OSBPL8: variants seen among roughly 807,000 people sequenced by gnomAD.
The protein encoded by OSBPL8 is oxysterol-binding protein-related protein 8.
In OSBPL8, 59 loss-of-function variants were observed where a neutral mutation model predicts 125.5. That is an observed-to-expected ratio of 0.47 (90% confidence interval 0.38 to 0.58). The LOEUF (loss-of-function observed/expected upper bound fraction) is 0.58, where lower values mean the gene tolerates loss of function less well. Ranked by LOEUF, OSBPL8 falls within the 20% of genes least tolerant of loss-of-function variation. The pLI, the probability that OSBPL8 is intolerant of heterozygous loss-of-function variation, is 0.00. For synonymous variants in OSBPL8, 330 were observed against 338.9 expected (o/e 0.97, Z 0.29); for missense variants, 758 against 1,047.8 (o/e 0.72, Z 3.82).
chr12:76,441,873 T>G (rs568667749), intron 4 of OSBPL8, among the ~76,000 whole-genome samples: 1 of 152,118 alleles, frequency 6.6e-6, no homozygotes, highest in Admixed American at 6.5e-5. Context: ...TAGTATTTGA[T>G]AGCATAACAG....
At chr12:76,546,454 T>C (rs80298325) in intron 1 of OSBPL8, among the ~76,000 whole-genome samples, 10,673 of 152,192 alleles carry the variant, frequency 0.07, 504 homozygotes, top group Middle Eastern at 0.15. Flanking sequence ...TAATCAAATA[T>C]TATAAAACAT....
rs142104497 is a variant in OSBPL8 at position 76,508,128 on chromosome 12, G to A, written c.-67-20510C>T. Among the ~76,000 whole-genome samples, 28 of 150,838 alleles carry A rather than the reference G, an allele frequency of 1.9e-4. 1 individual carries two copies. The East Asian group carries it at 3.9e-3, about 21-fold the overall frequency. ...GGAGGTTGCAGTGAGCCGAGATTGC[G>A]CCATCGCACTCCAGCCTGGGCAACA... is the stretch of plus-strand genomic sequence containing the variant. On this transcript the variant is annotated intron_variant, in intron 1 of 23. Transcript: ENST00000261183.
At position 76,452,547 on chromosome 12, in the gene OSBPL8, C is replaced by T. The variant is rs74678774; in HGVS notation, c.80-1559G>A. Reference sequence around the variant, plus strand: ...CAGTTCATGCCATCACTACTCCCCTCCCACTACTTTCTCAGGCCAAAACCT... The same window carrying T: ...CAGTTCATGCCATCACTACTCCCCTTCCACTACTTTCTCAGGCCAAAACCT... On this transcript the variant is annotated intron_variant, in intron 3 of 23. Transcript: ENST00000261183. 5.6e-3 allele frequency among the ~76,000 whole-genome samples: 857 copies of T among 152,306 alleles called. 15 individuals carry two copies. Among genetic ancestry groups the T allele is most frequent in the African/African-American group, 0.02 (831 of 41,554 alleles).
chr12:76,476,517 T>C (rs1344005162), intron 2 of OSBPL8, among the ~76,000 whole-genome samples: 2 of 151,998 alleles, frequency 1.3e-5, no homozygotes, highest in African/African-American at 4.8e-5. Context: ...ATAGTAGACT[T>C]GAAAAGCAAA....
chr12:76,454,505 A>C (rs1873778343), intron 3 of OSBPL8, among the ~76,000 whole-genome samples: 2 of 151,990 alleles, frequency 1.3e-5, no homozygotes, highest in Admixed American at 6.6e-5. Context: ...CCTAGACAAC[A>C]TAGCAAGACC....
Position 76,355,784 on chromosome 12 carries a change from T to A in OSBPL8, c.*105A>T. On this transcript the variant is annotated 3_prime_UTR_variant, in exon 24 of 24. Transcript: ENST00000261183. ...TCTACATTTATCTCCTAGGTTTTTT[T>A]GTTTTCGGAATATTGTGATTTTTAA... 2 of 1,290,424 alleles carry A rather than the reference T, an allele frequency of 1.5e-6. No individual in the cohort carries two copies. Among genetic ancestry groups the A allele is most frequent in the Non-Finnish European group, 2.1e-6 (2 of 947,022 alleles). 79.9% of individuals were successfully genotyped at this position (1,290,424 alleles called of 1,614,324 possible). A position where few individuals can be genotyped will look rare whatever the true frequency, so the allele number is the denominator to read the frequency against.
chr12:76,406,261 AATG>A (rs1407165341), intron 5 of OSBPL8, among the ~76,000 whole-genome samples: 1 of 152,238 alleles, frequency 6.6e-6, no homozygotes, highest in Non-Finnish European at 1.5e-5. Context: ...CAACAAGGAT[AATG>A]ATAAGTTACT....
chr12:76,496,698 G>A (rs1879312949), intron 1 of OSBPL8, among the ~76,000 whole-genome samples: 1 of 151,966 alleles, frequency 6.6e-6, no homozygotes, highest in Non-Finnish European at 1.5e-5. Flanking sequence ...CTGCCACCAC[G>A]CCCAGCTAAT....
At chr12:76,447,183 G>A (rs1013265440) in intron 4 of OSBPL8, among the ~76,000 whole-genome samples, 5 of 152,148 alleles carry the variant, frequency 3.3e-5, no homozygotes, top group African/African-American at 9.7e-5. Flanking sequence ...TGGGGGACAC[G>A]ATTTTTGCAA....
intron 1 of OSBPL8, among the ~76,000 whole-genome samples, chr12:76,515,834 C>T (rs1424644768): frequency 6.6e-6 from 1 of 152,088 alleles, no homozygotes; most frequent in African/African-American, 2.4e-5. Context: ...TAACTCACCC[C>T]TTCCATTCCT....
intron 2 of OSBPL8, among the ~76,000 whole-genome samples, chr12:76,464,174 C>G (rs1033489661): frequency 4.6e-5 from 7 of 152,150 alleles, no homozygotes; most frequent in Non-Finnish European, 1.0e-4. Flanking sequence ...GAGGCTGAGG[C>G]AGGAGGACTG....
intron 1 of OSBPL8, among the ~76,000 whole-genome samples, chr12:76,550,281 T>C (rs1273427392): frequency 6.6e-6 from 1 of 152,194 alleles, no homozygotes; most frequent in Non-Finnish European, 1.5e-5. Context: ...AAATAAAGTC[T>C]ACTAATTCTC....
chr12:76,382,578 T>C (rs1226588872), intron 15 of OSBPL8, among the ~76,000 whole-genome samples: 2 of 152,058 alleles, frequency 1.3e-5, no homozygotes, highest in African/African-American at 4.8e-5. Flanking sequence ...GATTACAATA[T>C]TAATCTTTAA....
Position 76,384,842 on chromosome 12 carries a change from T to C in OSBPL8, c.1534-492A>G, listed in dbSNP as rs571945146. Among the ~76,000 whole-genome samples, 7 of 152,304 alleles carry C rather than the reference T, an allele frequency of 4.6e-5. No individual in the cohort carries two copies. In the East Asian group the frequency reaches 9.6e-4, roughly 21 times the overall value. The stretch of plus-strand genomic sequence containing the variant: ...GATGACTGCAAAGCTGGCTGACAGT[T>C]TGACTGCAAGCTCATTAGAAATCCT... On this transcript the variant is annotated intron_variant, in intron 14 of 23. Transcript: ENST00000261183.
intron 8 of OSBPL8, among the ~76,000 whole-genome samples, chr12:76,396,163 G>T (rs899886555): frequency 6.6e-6 from 1 of 151,894 alleles, no homozygotes; most frequent in African/African-American, 2.4e-5. Flanking sequence ...AGGTTCGGGG[G>T]GTTAAATTCT....
rs1219259766 is a variant in OSBPL8 at position 76,352,798 on chromosome 12, A to T, written c.*3091T>A. 2.0e-5 allele frequency: 3 copies of T among 152,540 alleles called. No homozygotes were observed. The highest frequency in any genetic ancestry group is 4.4e-5 in the Non-Finnish European group (3 of 67,952). The allele number at this position is 152,540 out of a possible 1,614,324, so 9.4% of individuals were successfully genotyped here. On this transcript the variant is annotated 3_prime_UTR_variant, in exon 24 of 24. Transcript: ENST00000261183. ...TTTGACAGATATTCTTCAGAAAGTT[A>T]AAACTGCCTTCCACAAAATTTTGTG...
chr12:76,432,259 G>A (rs2136584009), intron 4 of OSBPL8, among the ~76,000 whole-genome samples: 1 of 152,230 alleles, frequency 6.6e-6, no homozygotes, highest in Non-Finnish European at 1.5e-5. Flanking sequence ...AGTACAAAAA[G>A]AGAAGTTCAT....
At chr12:76,401,589 T>C (rs534438638) in intron 6 of OSBPL8, among the ~76,000 whole-genome samples, 22 of 152,266 alleles carry the variant, frequency 1.4e-4, no homozygotes, top group Middle Eastern at 6.8e-3. Context: ...AGGGTCAGGA[T>C]TCAAACAGGG....
intron 2 of OSBPL8, among the ~76,000 whole-genome samples, chr12:76,477,774 A>AG (rs529019539): frequency 9.2e-5 from 14 of 152,094 alleles, no homozygotes; most frequent in Non-Finnish European, 1.6e-4. Flanking sequence ...TAATAGGCGA[A>AG]GGGGGGGTAC....
Sources: allele counts gnomAD v4.1 joint callset (sites outside exome capture counted in the v4.1 genomes callset), GRCh38; gene constraint gnomAD v4.1.1; transcripts MANE v1.5; gene names NCBI Gene and HGNC (gene_info 2026-07-23, HGNC 2026-07-21).